Variants in DBF4 observed in about 807,000 individuals in gnomAD.
DBF4 encodes protein DBF4 homolog A.
A neutral mutation model predicts 76.6 loss-of-function variants in DBF4; 25 were observed. The ratio of observed to expected loss-of-function variants is 0.33; its 90% CI spans 0.24 to 0.46. The LOEUF (loss-of-function observed/expected upper bound fraction) is 0.46, where lower values mean the gene tolerates loss of function less well. Among genes scored for constraint, DBF4 ranks in the 20% least tolerant of loss-of-function variants. The probability of loss-of-function intolerance (pLI) is 1.00; values close to 1 mark genes in which losing one functional copy is unlikely to be tolerated. For synonymous variants in DBF4, 213 were observed against 258.0 expected (o/e 0.83, Z 1.67); for missense variants, 638 against 760.8 (o/e 0.84, Z 1.90).
chr7:87,905,909 C>T (rs945267292), intron 11 of DBF4, among the ~76,000 whole-genome samples: 1 of 151,930 alleles, frequency 6.6e-6, no homozygotes, highest in Non-Finnish European at 1.5e-5. Context: ...CACCTGTGGT[C>T]CCAGCACTTC....
intron 8 of DBF4, among the ~76,000 whole-genome samples, chr7:87,898,054 A>C (rs1839684381): frequency 6.6e-6 from 1 of 152,238 alleles, no homozygotes; most frequent in Non-Finnish European, 1.5e-5. Context: ...CGGGGATTAC[A>C]GGCGTGAGCC....
intron 1 of DBF4, among the ~76,000 whole-genome samples, chr7:87,877,685 A>C (rs1251853955): frequency 6.6e-6 from 1 of 152,236 alleles, no homozygotes; most frequent in Non-Finnish European, 1.5e-5. Context: ...AAGTTTAAAC[A>C]CCAGTTTTGA....
rs567222262 is a variant in DBF4, at chr7:87,888,222, T to C, written c.597+163T>C. ...ATCGAGTGTCATTTAACTTTAGGGT[T>C]GTACTCACCAGGTAAAAGTTGTTCC... is the stretch of plus-strand genomic sequence containing the variant. On this transcript the variant is annotated intron_variant, in intron 6 of 11. Transcript: ENST00000265728. 15 of 943,994 alleles carry C rather than the reference T, an allele frequency of 1.6e-5. No homozygotes were observed. In the East Asian group the frequency reaches 1.3e-3, roughly 80 times the overall value. The allele number at this position is 943,994 out of a possible 1,614,324, so 58.5% of individuals were successfully genotyped here. A position where few individuals can be genotyped will look rare whatever the true frequency, so the allele number is the denominator to read the frequency against.
intron 8 of DBF4, among the ~76,000 whole-genome samples, chr7:87,897,665 G>A (rs1839675007): frequency 6.6e-6 from 1 of 152,114 alleles, no homozygotes. Context: ...CTTCATTTGC[G>A]AAAAAGAAAT....
At chr7:87,889,090 G>A (rs1839427582) in intron 6 of DBF4, among the ~76,000 whole-genome samples, 1 of 152,160 alleles carries the variant, frequency 6.6e-6, no homozygotes, top group Non-Finnish European at 1.5e-5. Context: ...AAACCAGCAT[G>A]TTAAGATTAT....
intron 6 of DBF4, among the ~76,000 whole-genome samples, chr7:87,893,812 A>G (rs1205323105): frequency 2.0e-5 from 3 of 152,146 alleles, no homozygotes; most frequent in Admixed American, 1.3e-4. Context: ...TAATGTAACT[A>G]TTGATCTTGT....
intron 2 of DBF4, among the ~76,000 whole-genome samples, chr7:87,884,731 T>C (rs1194973115): frequency 6.6e-6 from 1 of 152,196 alleles, no homozygotes; most frequent in East Asian, 1.9e-4. Flanking sequence ...TTGCATCAAA[T>C]TGAAATTTTT....
At chr7:87,906,505 TTTTCTC>T (rs1409654905) in intron 11 of DBF4, among the ~76,000 whole-genome samples, 3 of 152,120 alleles carry the variant, frequency 2.0e-5, no homozygotes, top group Non-Finnish European at 4.4e-5. Context: ...GCTATTAACT[TTTTCTC>T]TAATTGTATA....
chr7:87,907,131 A>G, intron 11 of DBF4, 57 bp from the exon 12 acceptor site: 1 of 1,410,442 alleles, frequency 7.1e-7, no homozygotes, highest in African/African-American at 1.5e-5. Flanking sequence ...CTAACTACTC[A>G]GGAATTTGTT....
intron 7 of DBF4, 131 bp downstream of exon 7, chr7:87,896,641 C>G: frequency 1.3e-6 from 1 of 749,950 alleles, no homozygotes; most frequent in Non-Finnish European, 2.1e-6. Context: ...AACATAGATC[C>G]TTGGTGAAGT....
intron 8 of DBF4, among the ~76,000 whole-genome samples, chr7:87,898,527 C>G (rs533782919): frequency 1.3e-5 from 2 of 152,224 alleles, no homozygotes; most frequent in East Asian, 3.9e-4. Flanking sequence ...CGCGGTGGCT[C>G]ACTCCTGTAA....
intron 2 of DBF4, among the ~76,000 whole-genome samples, chr7:87,883,643 C>T (rs918830674): frequency 6.6e-5 from 10 of 151,992 alleles, no homozygotes; most frequent in East Asian, 1.9e-4. Context: ...GAATGTTGGT[C>T]GGAAAAGAAA....
intron 2 of DBF4, 111 bp from the exon 3 acceptor site, chr7:87,884,868 T>C (rs900087742): frequency 1.3e-6 from 1 of 751,534 alleles, no homozygotes; most frequent in Non-Finnish European, 2.1e-6. Context: ...GAACAGGGGG[T>C]TGAGGCTGCA....
At chr7:87,905,371 C>T (rs1210187733) in intron 11 of DBF4, among the ~76,000 whole-genome samples, 1 of 152,186 alleles carries the variant, frequency 6.6e-6, no homozygotes. Flanking sequence ...TTACCATTTA[C>T]TCAGACTAAA....
At chr7:87,886,535 C>CAAAAAAAAAAAAA (rs11411808) in intron 3 of DBF4, among the ~76,000 whole-genome samples, 1 of 54,238 alleles carries the variant, frequency 1.8e-5, no homozygotes, top group Non-Finnish European at 3.5e-5. Context: ...ACTTTGTCTC[C>CAAAAAAAAAAAAA]AAAAAAAAAA....
chr7:87,885,701 G>T (rs1207484288), intron 3 of DBF4, among the ~76,000 whole-genome samples: 2 of 152,220 alleles, frequency 1.3e-5, no homozygotes, highest in African/African-American at 4.8e-5. Flanking sequence ...ATCTGTAGTT[G>T]TTGTGTTTTA....
Position 87,907,579 on chromosome 7 carries a change from C to A in DBF4, c.1441C>A (p.His481Asn), listed in dbSNP as rs757227066. 39 of 1,613,922 alleles carry A rather than the reference C, an allele frequency of 2.4e-5. No individual in the cohort carries two copies. The highest frequency in any genetic ancestry group is 3.2e-5 in the Non-Finnish European group (38 of 1,179,960). ...TGACTTAGAAGAACTAAGGGTAGAT[C>A]ACTATAAATGTAACATACAGGCATC... is the stretch of plus-strand genomic sequence containing the variant. ...ENDLEELRVD[H>N]YKCNIQASVH... Residue 481 changes from histidine (H) to asparagine (N), a missense_variant, in exon 12 of 12, where the codon CAC becomes AAC. Transcript: ENST00000265728.
At chr7:87,888,152 G>C (rs914644636) in intron 6 of DBF4, 93 bp downstream of exon 6, 21 of 1,410,886 alleles carry the variant, frequency 1.5e-5, no homozygotes, top group Non-Finnish European at 1.9e-5. Flanking sequence ...AAATATCCTA[G>C]GGGCAAGCCT....
In DBF4 at chr7:87,876,647, T is replaced by A. The variant is rs1262534111; in HGVS notation, c.-86T>A. The stretch of plus-strand genomic sequence containing the variant: ...CGGAAGGAGAGAGGCGGCCGTCCTG[T>A]CAACAGGCCGGGGGAAGCCGTGCTT... On this transcript the variant is annotated 5_prime_UTR_variant, in exon 1 of 12. Coordinates refer to ENST00000265728, the MANE Select transcript of DBF4 (RefSeq NM_006716.4). The A allele has an allele frequency of 4.0e-6, 6 of 1,497,896 alleles. No homozygotes were observed. Among genetic ancestry groups the A allele is most frequent in the Non-Finnish European group, 5.5e-6 (6 of 1,089,846 alleles). The allele number at this position is 1,497,896 out of a possible 1,614,324, so 92.8% of individuals were successfully genotyped here. A position where few individuals can be genotyped will look rare whatever the true frequency, so the allele number is the denominator to read the frequency against.
Sources: allele counts gnomAD v4.1 joint callset (sites outside exome capture counted in the v4.1 genomes callset), GRCh38; gene constraint gnomAD v4.1.1; transcripts MANE v1.5; gene names NCBI Gene and HGNC (gene_info 2026-07-23, HGNC 2026-07-21).